The following TG variants were observed in gnomAD, a reference collection of about 807,000 sequenced individuals.
TG encodes thyroid hormones.
Under a neutral mutation model 324.7 loss-of-function variants are expected in TG, and 270 were observed. The ratio of observed to expected loss-of-function variants is 0.83; its 90% CI spans 0.75 to 0.92. The LOEUF is 0.92. TG is among the 40% of genes least tolerant of loss of function. TG has a pLI of 0.00. For missense variants in TG, 3,591 were observed against 3,456.4 expected, an observed-to-expected ratio of 1.04 and a Z score of -0.98; for synonymous variants, 1,401 against 1,327.0, an observed-to-expected ratio of 1.06 and a Z score of -1.21.
chr8:132,870,857 C>T (rs180206), intron 3 of TG, among the ~76,000 whole-genome samples: 79,785 of 151,828 alleles, frequency 0.53, 21,088 homozygotes, highest in East Asian at 0.59. Flanking sequence ...TCACTCACTC[C>T]GAGGGAAGGC....
intron 45 of TG, among the ~76,000 whole-genome samples, chr8:133,125,404 T>C (rs914447550): frequency 3.9e-5 from 6 of 152,150 alleles, no homozygotes; most frequent in Admixed American, 3.3e-4. Context: ...GTGATCCTCA[T>C]GTAGAAGTGG....
At position 133,131,930 on chromosome 8, in the gene TG, C is replaced by T. The variant is rs74364760; in HGVS notation, c.7981C>T (p.His2661Tyr). 6 of 1,614,030 alleles carry T rather than the reference C, an allele frequency of 3.7e-6. No homozygotes were observed. Among genetic ancestry groups the T allele is most frequent in the East Asian group, 2.2e-5 (1 of 44,860 alleles). Reference protein sequence around the residue: ...LSLKIMQYFSHFIRSGNPNYP... With the variant: ...LSLKIMQYFSYFIRSGNPNYP... ...GCTGAAAATCATGCAGTACTTTTCC[C>T]ACTTCATCAGATCAGGGTAATTTTG... is the stretch of plus-strand genomic sequence containing the variant. Residue 2661 changes from histidine to tyrosine, a missense_variant, in exon 46 of 48, where the codon CAC becomes TAC. His to Tyr is a moderately conservative substitution (Grantham distance 83). Transcript: ENST00000220616.
At position 132,893,712 on chromosome 8, in the gene TG, A is replaced by C; in HGVS notation, c.2784A>C (p.Ala928=). The C allele has an allele frequency of 6.2e-7, 1 of 1,613,896 alleles. No individual in the cohort carries two copies. The highest frequency in any genetic ancestry group is 2.2e-5 in the East Asian group (1 of 44,882). Residue 928 remains alanine, a synonymous_variant, in exon 11 of 48, where the codon GCA becomes GCC. Transcript: ENST00000220616. ...LPTCPGSCEE[A]KLRVLQFIRE... ...TAGGTCCTGGCTCCTGTGAGGAAGC[A>C]AAGCTCCGTGTACTGCAGTTCATTA...
At chr8:133,071,273 G>A (rs1196628951) in intron 41 of TG, among the ~76,000 whole-genome samples, 1 of 152,172 alleles carries the variant, frequency 6.6e-6, no homozygotes, top group Non-Finnish European at 1.5e-5. Context: ...GTCTAACCGG[G>A]GAAACCAAGG....
At chr8:133,119,281 A>G (rs1850951746) in intron 45 of TG, among the ~76,000 whole-genome samples, 1 of 152,194 alleles carries the variant, frequency 6.6e-6, no homozygotes, top group South Asian at 2.1e-4. Flanking sequence ...TTTTTATAGC[A>G]CGCCACAAAA....
rs748737620 is a variant in TG, at chr8:132,908,267, A to T, written c.3929A>T (p.Tyr1310Phe). 1.2e-6 allele frequency: 2 copies of T among 1,613,904 alleles called. No homozygotes were observed. The highest frequency in any genetic ancestry group is 1.1e-5 in the South Asian group (1 of 91,056). Residue 1310 changes from tyrosine to phenylalanine, a missense_variant, in exon 18 of 48, where the codon TAC (tyrosine) becomes TTC (phenylalanine). Coordinates refer to ENST00000220616, the MANE Select transcript of TG (RefSeq NM_003235.5). ...LPPGKMCSADYADLLQTFQVF... is the reference protein window; with the variant it reads ...LPPGKMCSADFADLLQTFQVF... ...CCGGGCAAGATGTGCAGTGCTGACT[A>T]CGCGGATTTGCTGCAGACTTTCCAG...
intron 40 of TG, among the ~76,000 whole-genome samples, chr8:133,027,624 T>C (rs1284349380): frequency 6.6e-6 from 1 of 152,182 alleles, no homozygotes; most frequent in Non-Finnish European, 1.5e-5. Context: ...CTTGATGCAG[T>C]AGGAATGAGG....
In TG at chr8:132,957,046, A is replaced by C. The variant is rs372435928; in HGVS notation, c.5402-3962A>C. On this transcript the variant is annotated intron_variant, in intron 27 of 47. Coordinates refer to ENST00000220616, the MANE Select transcript of TG (RefSeq NM_003235.5). Reference sequence around the variant, plus strand: ...ATGGGAATGAGAGATGAGGAAGATAAGAGAAAGAAGGGAAACATTCTTTCT... The same window carrying C: ...ATGGGAATGAGAGATGAGGAAGATACGAGAAAGAAGGGAAACATTCTTTCT... Among the ~76,000 whole-genome samples, 15 of 152,218 alleles carry C rather than the reference A, an allele frequency of 9.9e-5. No homozygotes were observed. The East Asian group carries it at 2.3e-3, about 24-fold the overall frequency.
chr8:133,111,108 A>G (rs985888254), intron 43 of TG, among the ~76,000 whole-genome samples: 1 of 152,108 alleles, frequency 6.6e-6, no homozygotes, highest in African/African-American at 2.4e-5. Flanking sequence ...TGCTCTTTTC[A>G]CTGCTCTGGG....
chr8:133,085,716 T>C (rs1322536629), intron 41 of TG, among the ~76,000 whole-genome samples: 1 of 152,210 alleles, frequency 6.6e-6, no homozygotes, highest in East Asian at 1.9e-4. Flanking sequence ...AAAAACCAGA[T>C]TGTAAGCATT....
intron 34 of TG, among the ~76,000 whole-genome samples, chr8:132,977,080 G>T (rs1447600541): frequency 6.6e-6 from 1 of 152,174 alleles, no homozygotes; most frequent in Non-Finnish European, 1.5e-5. Flanking sequence ...TAGTACATTG[G>T]ATTCTATTTT....
chr8:133,050,032 G>T, intron 41 of TG: 1 of 1,265,076 alleles, frequency 7.9e-7, no homozygotes, highest in Non-Finnish European at 1.2e-6. Context: ...TAGGTAAATA[G>T]CAAAACCAAA....
At chr8:132,951,971 G>GAAA (rs1450348959) in intron 27 of TG, among the ~76,000 whole-genome samples, 1 of 152,162 alleles carries the variant, frequency 6.6e-6, no homozygotes, top group Non-Finnish European at 1.5e-5. Context: ...TGATTTGAAA[G>GAAA]AACATAGGGG....
chr8:133,100,043 G>T (rs2979019), intron 43 of TG, among the ~76,000 whole-genome samples: 47,893 of 152,008 alleles, frequency 0.32, 8,189 homozygotes, highest in African/African-American at 0.44. Context: ...AGTCTTCTAT[G>T]AACTGCCAGA....
chr8:133,091,574 G>T (rs1280306054), intron 41 of TG, among the ~76,000 whole-genome samples: 1 of 152,124 alleles, frequency 6.6e-6, no homozygotes, highest in Non-Finnish European at 1.5e-5. Flanking sequence ...TTGTGTGTGT[G>T]TTTGTGTGTA....
intron 40 of TG, among the ~76,000 whole-genome samples, chr8:133,023,077 A>G (rs1330458796): frequency 2.6e-5 from 4 of 152,268 alleles, no homozygotes; most frequent in Middle Eastern, 3.4e-3. Flanking sequence ...GAGATATCCT[A>G]CGTGCTAAGT....
chr8:133,095,289 C>T, intron 42 of TG, 81 bp downstream of exon 42: 2 of 1,591,274 alleles, frequency 1.3e-6, no homozygotes, highest in Non-Finnish European at 1.7e-6. Context: ...AAGGAGGTGT[C>T]ACCCACCCCA....
At chr8:133,084,501 A>G (rs1588040955) in intron 41 of TG, among the ~76,000 whole-genome samples, 1 of 152,330 alleles carries the variant, frequency 6.6e-6, no homozygotes, top group African/African-American at 2.4e-5. Flanking sequence ...TCACTTTTAA[A>G]GTGTGACACC....
chr8:132,993,859 C>T (rs750045277), intron 35 of TG, among the ~76,000 whole-genome samples: 2 of 152,198 alleles, frequency 1.3e-5, no homozygotes, highest in African/African-American at 4.8e-5. Context: ...GAAAACCTAC[C>T]ATTTGGATTT....
Sources: gnomAD v4.1 joint callset for allele counts (sites outside exome capture counted in the v4.1 genomes callset) on GRCh38, gnomAD v4.1.1 for gene constraint, MANE v1.5 for transcripts, NCBI Gene and HGNC (gene_info 2026-07-23, HGNC 2026-07-21) for gene names.